Variants in GRM8 observed in about 807,000 individuals in gnomAD.
The protein encoded by GRM8 is glutamate metabotropic receptor 8, also known as metabotropic glutamate receptor 8.
In GRM8, 47 loss-of-function variants were observed where a neutral mutation model predicts 87.2. That is an observed-to-expected ratio of 0.54 (90% confidence interval 0.43 to 0.69). The LOEUF (loss-of-function observed/expected upper bound fraction) is 0.69, where lower values mean the gene tolerates loss of function less well. GRM8 is among the 30% of genes least tolerant of loss of function. The probability of loss-of-function intolerance (pLI) is 0.00; values close to 1 mark genes in which losing one functional copy is unlikely to be tolerated. For synonymous variants in GRM8, 396 were observed against 404.5 expected (o/e 0.98, Z 0.25); for missense variants, 1,019 against 1,139.2 (o/e 0.89, Z 1.52).
At chr7:126,601,649 T>C (rs1220128935) in intron 8 of GRM8, among the ~76,000 whole-genome samples, 2 of 147,392 alleles carry the variant, frequency 1.4e-5, no homozygotes, top group African/African-American at 2.5e-5. Flanking sequence ...TGGTATCTCA[T>C]AGTGGTTTTG....
At chr7:126,828,445 G>A (rs777807395) in intron 6 of GRM8, among the ~76,000 whole-genome samples, 17 of 152,176 alleles carry the variant, frequency 1.1e-4, no homozygotes, top group South Asian at 6.2e-4. Flanking sequence ...TCTTCGGAGG[G>A]TGTATCTGTC....
intron 3 of GRM8, among the ~76,000 whole-genome samples, chr7:127,047,600 A>C (rs1310496729): frequency 2.0e-5 from 3 of 152,116 alleles, no homozygotes; most frequent in Non-Finnish European, 4.4e-5. Context: ...AGGCTGAGGC[A>C]GGAGTATCAG....
In GRM8 at chr7:126,609,350, G is replaced by C; in HGVS notation, c.1494+12C>G. On this transcript the variant is annotated intron_variant, in intron 8 of 10. Transcript: ENST00000339582. Reference sequence around the variant, plus strand: ...GCTATATACATTAATATATGTTTATGACGATACTTGCTTTTAGATGAAGCT... The same window carrying C: ...GCTATATACATTAATATATGTTTATCACGATACTTGCTTTTAGATGAAGCT... 6.2e-7 allele frequency: 1 copy of C among 1,607,736 alleles called. No individual in the cohort carries two copies. The highest frequency in any genetic ancestry group is 2.2e-5 in the East Asian group (1 of 44,814).
chr7:126,936,593 G>A (rs1273575886), intron 3 of GRM8, among the ~76,000 whole-genome samples: 1 of 152,114 alleles, frequency 6.6e-6, no homozygotes, highest in Non-Finnish European at 1.5e-5. Context: ...CTAAGTCTTG[G>A]CCAATAAGGT....
chr7:126,620,521 A>G (rs1049160810), intron 7 of GRM8, among the ~76,000 whole-genome samples: 6 of 151,474 alleles, frequency 4.0e-5, no homozygotes, highest in African/African-American at 1.5e-4. Context: ...TTTTTTTTTC[A>G]AATGTTGGCT....
chr7:127,046,289 G>A (rs1265091114), intron 3 of GRM8, among the ~76,000 whole-genome samples: 13 of 152,098 alleles, frequency 8.5e-5, no homozygotes, highest in Admixed American at 2.6e-4. Flanking sequence ...GGAGAATGGC[G>A]TGAACCCGGG....
chr7:126,924,769 C>G (rs1172367464), intron 3 of GRM8, among the ~76,000 whole-genome samples: 1 of 152,034 alleles, frequency 6.6e-6, no homozygotes, highest in South Asian at 2.1e-4. Flanking sequence ...AACTTAGGAG[C>G]CTCTCTGAGC....
chr7:127,118,934 A>G (rs1826868881), intron 2 of GRM8, among the ~76,000 whole-genome samples: 1 of 152,166 alleles, frequency 6.6e-6, no homozygotes, highest in African/African-American at 2.4e-5. Flanking sequence ...AGTGAATAGG[A>G]GATACTAGCA....
intron 7 of GRM8, among the ~76,000 whole-genome samples, chr7:126,675,933 A>G (rs1299673487): frequency 6.6e-6 from 1 of 152,228 alleles, no homozygotes; most frequent in East Asian, 1.9e-4. Context: ...CCAAATAGGA[A>G]AAGAGGAACT....
intron 7 of GRM8, among the ~76,000 whole-genome samples, chr7:126,659,288 G>A (rs1804891004): frequency 6.6e-6 from 1 of 152,122 alleles, no homozygotes; most frequent in South Asian, 2.1e-4. Context: ...AGTGGCAGGG[G>A]GAACCTACCT....
chr7:126,510,865 C>A (rs1263357484), intron 9 of GRM8, among the ~76,000 whole-genome samples: 1 of 152,030 alleles, frequency 6.6e-6, no homozygotes, highest in African/African-American at 2.4e-5. Flanking sequence ...AATATTTTGA[C>A]CAAAATTAGA....
chr7:126,569,360 A>G (rs1316767931), intron 8 of GRM8, among the ~76,000 whole-genome samples: 4 of 152,240 alleles, frequency 2.6e-5, no homozygotes, highest in African/African-American at 9.6e-5. Context: ...CTGGGTATTT[A>G]ATGACCATGA....
At chr7:126,619,432 A>G (rs1476497380) in intron 7 of GRM8, among the ~76,000 whole-genome samples, 1 of 152,038 alleles carries the variant, frequency 6.6e-6, no homozygotes, top group Non-Finnish European at 1.5e-5. Context: ...GTTAATGGGT[A>G]CAGCACACCA....
chr7:126,444,727 T>C (rs1801822435), intron 10 of GRM8, among the ~76,000 whole-genome samples: 1 of 152,118 alleles, frequency 6.6e-6, no homozygotes, highest in South Asian at 2.1e-4. Context: ...GTTGCTATAA[T>C]AATTAAACCA....
intron 6 of GRM8, among the ~76,000 whole-genome samples, chr7:126,901,108 G>A (rs942033819): frequency 1.3e-5 from 2 of 151,972 alleles, no homozygotes; most frequent in African/African-American, 2.4e-5. Flanking sequence ...GCTTCCTCTC[G>A]CGATATTCAC....
intron 3 of GRM8, among the ~76,000 whole-genome samples, chr7:127,001,364 T>C (rs1001325561): frequency 1.3e-5 from 2 of 151,602 alleles, no homozygotes; most frequent in Non-Finnish European, 3.0e-5. Flanking sequence ...AAATATAGAC[T>C]ATAATTACAT....
chr7:126,542,574 A>C (rs182434053), intron 8 of GRM8, among the ~76,000 whole-genome samples: 346 of 152,300 alleles, frequency 2.3e-3, no homozygotes, highest in Non-Finnish European at 3.6e-3. Flanking sequence ...GGTTGGATGA[A>C]TCCTATAAGC....
At chr7:126,997,938 A>G (rs1378355088) in intron 3 of GRM8, among the ~76,000 whole-genome samples, 1 of 151,966 alleles carries the variant, frequency 6.6e-6, no homozygotes, top group Non-Finnish European at 1.5e-5. Flanking sequence ...TAAATCCAGT[A>G]TTATCCTGAT....
At chr7:126,625,833 T>C (rs1800619412) in intron 7 of GRM8, among the ~76,000 whole-genome samples, 1 of 151,702 alleles carries the variant, frequency 6.6e-6, no homozygotes, top group African/African-American at 2.4e-5. Flanking sequence ...AAAAAGAACA[T>C]ATAATAATTA....
Sources: allele counts gnomAD v4.1 joint callset (sites outside exome capture counted in the v4.1 genomes callset), GRCh38; gene constraint gnomAD v4.1.1; transcripts MANE v1.5; gene names NCBI Gene and HGNC (gene_info 2026-07-23, HGNC 2026-07-21).